The following PCDH10 variants were observed in gnomAD, a reference collection of about 807,000 sequenced individuals.
PCDH10 encodes protocadherin-10.
Under a neutral mutation model 74.4 loss-of-function variants are expected in PCDH10, and 15 were observed. That is an observed-to-expected ratio of 0.20 (90% CI 0.13 to 0.31). The LOEUF (loss-of-function observed/expected upper bound fraction) is 0.31. PCDH10 is among the 10% of genes least tolerant of loss of function. PCDH10 has a pLI of 1.00. For missense variants in PCDH10, 1,260 were observed against 1,390.2 expected (o/e 0.91, Z 1.49); for synonymous variants, 619 against 589.8 (o/e 1.05, Z -0.72).
chr4:133,184,756 ATATG>A (rs1332633157), intron 4 of PCDH10, among the ~76,000 whole-genome samples: 1 of 118,140 alleles, frequency 8.5e-6, no homozygotes, highest in Non-Finnish European at 1.7e-5. Context: ...TCTTGTGTAT[ATATG>A]TGTAAATATA....
intron 4 of PCDH10, among the ~76,000 whole-genome samples, chr4:133,171,823 A>G (rs1372263142): frequency 6.6e-6 from 1 of 152,130 alleles, no homozygotes; most frequent in Non-Finnish European, 1.5e-5. Context: ...TGATTCCAGA[A>G]TTAATTGCCT....
intron 4 of PCDH10, among the ~76,000 whole-genome samples, chr4:133,165,529 C>T (rs1437183607): frequency 1.3e-5 from 2 of 151,752 alleles, no homozygotes; most frequent in East Asian, 1.9e-4. Context: ...ATAGTGTCAT[C>T]TTCTAAGTCT....
chr4:133,175,412 C>CA (rs879789481), intron 4 of PCDH10, among the ~76,000 whole-genome samples: 30 of 152,052 alleles, frequency 2.0e-4, no homozygotes, highest in Non-Finnish European at 4.0e-4. Context: ...TTTCCAAGCA[C>CA]AGTGGTCTTC....
Position 133,163,589 on chromosome 4 carries a change from G to T in PCDH10, c.3103+307G>T, listed in dbSNP as rs561147083. Among the ~76,000 whole-genome samples, 3 of 152,058 alleles carry T rather than the reference G, an allele frequency of 2.0e-5. No homozygotes were observed. In the South Asian group the frequency reaches 6.2e-4, roughly 32 times the overall value. ...GATTCCATAATATATTTCCTTTGAG[G>T]ATCTTGGTAATGAGAAATAGAAATA... On this transcript the variant is annotated intron_variant, in intron 4 of 4. Coordinates refer to ENST00000264360, the MANE Select transcript of PCDH10 (RefSeq NM_032961.3).
chr4:133,194,330 A>G lies in PCDH10; in HGVS notation c.*4170A>G, dbSNP rs959703355. 1 of 151,880 alleles carries G rather than the reference A, an allele frequency of 6.6e-6. No individual in the cohort carries two copies. Among genetic ancestry groups the G allele is most frequent in the Non-Finnish European group, 1.5e-5 (1 of 67,812 alleles). The allele number at this position is 151,880 out of a possible 1,614,324, so 9.4% of individuals were successfully genotyped here. A position where few individuals can be genotyped will look rare whatever the true frequency, so the allele number is the denominator to read the frequency against. The stretch of plus-strand genomic sequence containing the variant: ...TCATTCAAAAAATACTAAATTTCAC[A>G]TGAGACTCAAAAATTTCTGAATGAT... On this transcript the variant is annotated 3_prime_UTR_variant, in exon 5 of 5. Transcript: ENST00000264360.
chr4:133,184,011 C>G (rs1727474373), intron 4 of PCDH10, among the ~76,000 whole-genome samples: 1 of 151,986 alleles, frequency 6.6e-6, no homozygotes, highest in Non-Finnish European at 1.5e-5. Flanking sequence ...TAATTGCAAA[C>G]TATGTTGTAA....
chr4:133,166,426 C>T lies in PCDH10; in HGVS notation c.3103+3144C>T, dbSNP rs1216586807. 5.3e-5 allele frequency among the ~76,000 whole-genome samples: 8 copies of T among 151,408 alleles called. No homozygotes were observed. In the East Asian group the frequency reaches 1.4e-3, roughly 26 times the overall value. On this transcript the variant is annotated intron_variant, in intron 4 of 4. Transcript: ENST00000264360. Reference sequence around the variant, plus strand: ...AATAACATTGCATTTTTATCATGAACATTTTAAGGATTTGTTTAGAATCAG... The same window carrying T: ...AATAACATTGCATTTTTATCATGAATATTTTAAGGATTTGTTTAGAATCAG...
At chr4:133,159,019 A>G (rs1726915270) in intron 3 of PCDH10, among the ~76,000 whole-genome samples, 1 of 152,092 alleles carries the variant, frequency 6.6e-6, no homozygotes, top group Non-Finnish European at 1.5e-5. Flanking sequence ...TTTCTAAAAC[A>G]TACTGCAATT....
chr4:133,167,941 C>T (rs1315834405), intron 4 of PCDH10, among the ~76,000 whole-genome samples: 1 of 150,794 alleles, frequency 6.6e-6, no homozygotes, highest in African/African-American at 2.4e-5. Flanking sequence ...AAAATTGAAC[C>T]CTGTTCATTT....
chr4:133,174,662 G>A (rs1004499006), intron 4 of PCDH10, among the ~76,000 whole-genome samples: 11 of 150,770 alleles, frequency 7.3e-5, no homozygotes, highest in African/African-American at 2.7e-4. Context: ...TTTTATATAG[G>A]CAAAATGACT....
chr4:133,162,734 T>TATA lies in PCDH10; in HGVS notation c.2798-243_2798-242insATA, dbSNP rs1726994607. On this transcript the variant is annotated intron_variant, in intron 3 of 4. Coordinates refer to ENST00000264360, the MANE Select transcript of PCDH10 (RefSeq NM_032961.3). ...CAATACCCTAAGTAGTTTAGAAACA[T>TATA]TTATCTCAGAGGCCTCTTTGCCAGA... 2.6e-5 allele frequency among the ~76,000 whole-genome samples: 4 copies of TATA among 152,198 alleles called. No individual in the cohort carries two copies. In the South Asian group the frequency reaches 8.3e-4, roughly 32 times the overall value.
chr4:133,201,159 C>A (rs937143265), intron 2 of PCDH10, among the ~76,000 whole-genome samples: 42 of 152,296 alleles, frequency 2.8e-4, no homozygotes, highest in African/African-American at 9.4e-4. Flanking sequence ...GTAAATCTGA[C>A]TAACCTGATT....
rs1423344373 is a variant in PCDH10 at position 133,150,975 on chromosome 4, G to C, written c.835G>C (p.Glu279Gln). 4 of 1,613,806 alleles carry C rather than the reference G, an allele frequency of 2.5e-6. No homozygotes were observed. Among genetic ancestry groups the C allele is most frequent in the East Asian group, 2.2e-5 (1 of 44,882 alleles). The change falls in exon 1 of 5, where the codon GAG becomes CAG. Residue 279 changes from glutamate (E) to glutamine (Q), a missense_variant. Transcript: ENST00000264360. ...CCAGCTCAACGCCACCGACCCGGAC[G>C]AGGGCCAGAACGGTGAGGTCGTGTA... Reference protein sequence around the residue: ...VIQLNATDPDEGQNGEVVYSF... With the variant: ...VIQLNATDPDQGQNGEVVYSF...
chr4:133,206,663 T>G (rs920657958), intron 2 of PCDH10, among the ~76,000 whole-genome samples: 2 of 152,234 alleles, frequency 1.3e-5, no homozygotes, highest in Non-Finnish European at 2.9e-5. Flanking sequence ...ATTGTTTGTC[T>G]TTTATTTGTC....
intron 4 of PCDH10, among the ~76,000 whole-genome samples, chr4:133,169,027 G>A (rs1727145863): frequency 6.6e-6 from 1 of 151,662 alleles, no homozygotes; most frequent in Admixed American, 6.6e-5. Context: ...ACTTTGAGAT[G>A]TTAAATTTCT....
At chr4:133,199,761 AATTATTATT>A (rs10682546) in intron 2 of PCDH10, among the ~76,000 whole-genome samples, 5 of 146,328 alleles carry the variant, frequency 3.4e-5, no homozygotes, top group Admixed American at 6.9e-5. Flanking sequence ...AGTTGTTTTT[AATTATTATT>A]ATTATTATTA....
chr4:133,152,225 G>T lies in PCDH10; in HGVS notation c.2085G>T (p.Gly695=). ...GCGGGGGCGGGAGCGGAGGCGGAGG[G>T]TCAGGAGAGCACCAGCGCCCCAGTC... ...PQGGGGSGGG[G]SGEHQRPSRS... Residue 695 remains glycine (G), a synonymous_variant, in exon 1 of 5, where the codon GGG becomes GGT. Transcript: ENST00000264360. The T allele has an allele frequency of 6.2e-7, 1 of 1,604,090 alleles. No homozygotes were observed. Among genetic ancestry groups the T allele is most frequent in the Non-Finnish European group, 8.5e-7 (1 of 1,175,096 alleles).
chr4:133,200,391 C>T (rs1255394012), intron 2 of PCDH10, among the ~76,000 whole-genome samples: 1 of 150,972 alleles, frequency 6.6e-6, no homozygotes, highest in African/African-American at 2.4e-5. Context: ...GTAACAAACA[C>T]CCATAACAAT....
Position 133,155,089 on chromosome 4 carries a change from A to G in PCDH10, c.2797+66A>G, listed in dbSNP as rs77991892. The G allele has an allele frequency of 9.2e-4, 1,011 of 1,097,048 alleles. 1 individual carries two copies. In the African/African-American group the frequency reaches 0.012, roughly 13 times the overall value. The allele number at this position is 1,097,048 out of a possible 1,614,324, so 68.0% of individuals were successfully genotyped here. ...AGTTTTTGTTTTTAAAAATAAACGT[A>G]GGAAGGATGATGTCCTAGGCAATTT... On this transcript the variant is annotated intron_variant, in intron 3 of 4. Transcript: ENST00000264360.
Sources: allele counts gnomAD v4.1 joint callset (sites outside exome capture counted in the v4.1 genomes callset), GRCh38; gene constraint gnomAD v4.1.1; transcripts MANE v1.5; gene names NCBI Gene and HGNC (gene_info 2026-07-23, HGNC 2026-07-21).